The following ROBO2 variants were observed in gnomAD, a reference collection of about 807,000 sequenced individuals.
ROBO2 encodes roundabout guidance receptor 2.
A neutral mutation model predicts 160.8 loss-of-function variants in ROBO2; 53 were observed. The ratio of observed to expected loss-of-function variants is 0.33; its 90% CI spans 0.26 to 0.41. The LOEUF (loss-of-function observed/expected upper bound fraction) is 0.41, where lower values mean the gene tolerates loss of function less well. Among genes scored for constraint, ROBO2 ranks in the 10% least tolerant of loss-of-function variants. ROBO2 has a pLI of 1.00. For missense variants in ROBO2, 1,577 were observed against 1,722.4 expected (o/e 0.92, Z 1.49); for synonymous variants, 664 against 611.7 (o/e 1.09, Z -1.26).
At chr3:76,925,910 G>T (rs939890331) in intron 2 of ROBO2, among the ~76,000 whole-genome samples, 1 of 152,206 alleles carries the variant, frequency 6.6e-6, no homozygotes, top group African/African-American at 2.4e-5. Flanking sequence ...TCTGGACAAA[G>T]AAAAGATTAA....
chr3:76,276,337 A>T (rs925858451), intron 2 of ROBO2, among the ~76,000 whole-genome samples: 1 of 152,050 alleles, frequency 6.6e-6, no homozygotes, highest in East Asian at 1.9e-4. Flanking sequence ...GGCTATTTAA[A>T]TTTAAACTAA....
rs139800109 is a variant in ROBO2 at position 76,290,564 on chromosome 3, A to G, written c.109+352962A>G. On this transcript the variant is annotated intron_variant, in intron 2 of 26. Transcript: ENST00000487694. ...TATGACTTCTAGGACTAAGTGGAAT[A>G]GGAGTGGGAAGAATGGACATTCTTT... Among the ~76,000 whole-genome samples, 328 of 152,248 alleles carry G rather than the reference A, an allele frequency of 2.2e-3. 6 individuals carry two copies. Among genetic ancestry groups the G allele is most frequent in the Admixed American group, 0.018 (268 of 15,298 alleles).
At chr3:76,261,052 A>G (rs562421848) in intron 2 of ROBO2, among the ~76,000 whole-genome samples, 2 of 152,154 alleles carry the variant, frequency 1.3e-5, no homozygotes, top group East Asian at 3.9e-4. Flanking sequence ...GGAAGGAACA[A>G]CTAGATAATT....
At chr3:76,112,238 G>A (rs1361406984) in intron 2 of ROBO2, among the ~76,000 whole-genome samples, 2 of 151,482 alleles carry the variant, frequency 1.3e-5, no homozygotes, top group East Asian at 3.9e-4. Flanking sequence ...AAAATGTTTT[G>A]ACTATTCTAT....
intron 2 of ROBO2, among the ~76,000 whole-genome samples, chr3:76,594,537 A>G (rs956007724): frequency 6.6e-6 from 1 of 152,066 alleles, no homozygotes; most frequent in Non-Finnish European, 1.5e-5. Context: ...AGCCTTATCC[A>G]AAATACTATT....
At chr3:77,158,506 T>C (rs1218194775) in intron 2 of ROBO2, among the ~76,000 whole-genome samples, 1 of 152,116 alleles carries the variant, frequency 6.6e-6, no homozygotes, top group East Asian at 1.9e-4. Flanking sequence ...ACAAATTGAA[T>C]ACATTAAAAA....
chr3:77,586,122 T>C (rs2094041607), intron 16 of ROBO2, among the ~76,000 whole-genome samples: 1 of 152,124 alleles, frequency 6.6e-6, no homozygotes, highest in Non-Finnish European at 1.5e-5. Context: ...ATTGGTGTTG[T>C]TCTTTTCTGT....
intron 2 of ROBO2, among the ~76,000 whole-genome samples, chr3:76,798,294 A>AAGAAAGAAAGAAAG (rs1294316637): frequency 6.6e-6 from 1 of 151,138 alleles, no homozygotes; most frequent in Non-Finnish European, 1.5e-5. Context: ...GAAAGAAAGA[A>AAGAAAGAAAGAAAG]AGAAAGAAAG....
At chr3:76,096,058 G>A (rs1031599790) in intron 2 of ROBO2, among the ~76,000 whole-genome samples, 1 of 151,930 alleles carries the variant, frequency 6.6e-6, no homozygotes, top group Non-Finnish European at 1.5e-5. Context: ...TATCTCTAAG[G>A]AGATAAAAAG....
chr3:76,859,652 G>A lies in ROBO2; in HGVS notation c.110-238362G>A, dbSNP rs565548776. Among the ~76,000 whole-genome samples, 291 of 152,208 alleles carry A rather than the reference G, an allele frequency of 1.9e-3. 1 individual carries two copies. Among genetic ancestry groups the A allele is most frequent in the African/African-American group, 6.3e-3 (261 of 41,532 alleles). On this transcript the variant is annotated intron_variant, in intron 2 of 26. Transcript: ENST00000487694. ...CTGAGGATGTGGTGAGAACACATGG[G>A]GAAAGCAAAAAGATTCCCATAACTG...
rs561533640 is a variant in ROBO2 at position 76,382,510 on chromosome 3, C to G, written c.109+444908C>G. Among the ~76,000 whole-genome samples, 43 of 152,320 alleles carry G rather than the reference C, an allele frequency of 2.8e-4. No individual in the cohort carries two copies. In the South Asian group the frequency reaches 5.8e-3, roughly 21 times the overall value. On this transcript the variant is annotated intron_variant, in intron 2 of 26. Coordinates refer to the ROBO2 transcript ENST00000487694. ...GCTGAGGCAGGAGAATGGCGTGAAC[C>G]CGGGAGGCGGAGCTTGCAGTGAGCC...
chr3:76,642,956 G>A (rs2090773751), intron 2 of ROBO2, among the ~76,000 whole-genome samples: 1 of 152,078 alleles, frequency 6.6e-6, no homozygotes, highest in South Asian at 2.1e-4. Flanking sequence ...ATGCAATAAA[G>A]TTGCTAAAAT....
intron 2 of ROBO2, among the ~76,000 whole-genome samples, chr3:77,468,717 A>T (rs923061277): frequency 1.3e-5 from 2 of 152,256 alleles, no homozygotes; most frequent in Non-Finnish European, 2.9e-5. Flanking sequence ...CTATGACTTG[A>T]AAATGAACAA....
At chr3:76,494,201 C>T (rs1230840990) in intron 2 of ROBO2, among the ~76,000 whole-genome samples, 1 of 152,092 alleles carries the variant, frequency 6.6e-6, no homozygotes, top group African/African-American at 2.4e-5. Context: ...ATATTATTCA[C>T]ACATAAAAAT....
chr3:77,415,234 C>T (rs922025526), intron 2 of ROBO2, among the ~76,000 whole-genome samples: 37 of 152,072 alleles, frequency 2.4e-4, no homozygotes, highest in African/African-American at 8.7e-4. Context: ...AATGTTAAGG[C>T]ATTGAAACTT....
At chr3:76,385,150 A>G (rs1339746301) in intron 2 of ROBO2, among the ~76,000 whole-genome samples, 1 of 151,878 alleles carries the variant, frequency 6.6e-6, no homozygotes, top group Non-Finnish European at 1.5e-5. Flanking sequence ...ATGCACCACC[A>G]TGTCTGGCTA....
intron 2 of ROBO2, among the ~76,000 whole-genome samples, chr3:77,011,698 C>T (rs977644419): frequency 1.3e-5 from 2 of 152,052 alleles, no homozygotes; most frequent in Non-Finnish European, 2.9e-5. Context: ...GTAAGAATTT[C>T]TCCTTCTGAC....
chr3:77,491,842 G>C (rs2086156743), intron 4 of ROBO2, among the ~76,000 whole-genome samples: 1 of 152,052 alleles, frequency 6.6e-6, no homozygotes, highest in South Asian at 2.1e-4. Flanking sequence ...GATCCCTACT[G>C]TCAAATTCTC....
At chr3:76,216,864 T>C (rs1371637465) in intron 2 of ROBO2, among the ~76,000 whole-genome samples, 1 of 152,214 alleles carries the variant, frequency 6.6e-6, no homozygotes, top group Non-Finnish European at 1.5e-5. Context: ...TAAATTCTTT[T>C]CAGCACCACA....
Sources: allele counts gnomAD v4.1 joint callset (sites outside exome capture counted in the v4.1 genomes callset), GRCh38; gene constraint gnomAD v4.1.1; transcripts MANE v1.5; gene names NCBI Gene and HGNC (gene_info 2026-07-23, HGNC 2026-07-21).